The following LRRC4C variants were observed in gnomAD, a reference collection of about 807,000 sequenced individuals.
LRRC4C encodes the protein leucine-rich repeat-containing protein 4C.
LRRC4C carries 5 observed loss-of-function variants against 33.6 expected under a neutral mutation model. That is an observed-to-expected ratio of 0.15 (90% CI 0.08 to 0.31). LRRC4C has a LOEUF of 0.31. Ranked by LOEUF, LRRC4C falls within the 10% of genes least tolerant of loss-of-function variation. LRRC4C has a pLI of 1.00. For synonymous variants in LRRC4C, 329 were observed against 302.0 expected (o/e 1.09, Z -0.93); for missense variants, 560 against 796.7 (o/e 0.70, Z 3.58).
chr11:41,351,654 C>T (rs1461804643), intron 1 of LRRC4C, among the ~76,000 whole-genome samples: 1 of 152,176 alleles, frequency 6.6e-6, no homozygotes, highest in Non-Finnish European at 1.5e-5. Flanking sequence ...TTTCAGCAGA[C>T]ACTTTAAAAG....
chr11:40,336,481 G>A (rs925774576), intron 3 of LRRC4C, among the ~76,000 whole-genome samples: 1 of 152,126 alleles, frequency 6.6e-6, no homozygotes, highest in African/African-American at 2.4e-5. Context: ...ACTGTATGGA[G>A]CAGATCCCCA....
chr11:41,087,024 C>T (rs186364330), intron 1 of LRRC4C, among the ~76,000 whole-genome samples: 31 of 151,902 alleles, frequency 2.0e-4, no homozygotes, highest in African/African-American at 5.3e-4. Context: ...GTCTGCCATT[C>T]CTGCACCAGA....
chr11:40,775,126 A>T (rs932520827), intron 2 of LRRC4C, among the ~76,000 whole-genome samples: 1 of 152,042 alleles, frequency 6.6e-6, no homozygotes, highest in Non-Finnish European at 1.5e-5. Flanking sequence ...GAAAGTAAAT[A>T]TTGGCCAGGT....
chr11:40,380,798 A>T (rs1339789080), intron 3 of LRRC4C, among the ~76,000 whole-genome samples: 1 of 152,258 alleles, frequency 6.6e-6, no homozygotes, highest in Non-Finnish European at 1.5e-5. Flanking sequence ...CCATTAAAGC[A>T]TAAAATATTA....
At chr11:41,063,622 A>G (rs1279520867) in intron 1 of LRRC4C, among the ~76,000 whole-genome samples, 1 of 152,218 alleles carries the variant, frequency 6.6e-6, no homozygotes, top group Non-Finnish European at 1.5e-5. Context: ...TGAAGAGAGC[A>G]TAACATTGAT....
chr11:40,274,677 T>G (rs545510566), intron 4 of LRRC4C, among the ~76,000 whole-genome samples: 3 of 152,212 alleles, frequency 2.0e-5, no homozygotes, highest in Admixed American at 2.0e-4. Flanking sequence ...AATAGTTCTG[T>G]GAAATAGCTC....
At chr11:41,225,745 A>G (rs777161011) in intron 1 of LRRC4C, among the ~76,000 whole-genome samples, 10 of 152,202 alleles carry the variant, frequency 6.6e-5, no homozygotes, top group Non-Finnish European at 1.2e-4. Flanking sequence ...GAAACAAAAA[A>G]TTTAACAGAT....
chr11:40,997,383 T>TA (rs1358820542), intron 1 of LRRC4C, among the ~76,000 whole-genome samples: 53 of 152,176 alleles, frequency 3.5e-4, no homozygotes, highest in African/African-American at 1.3e-3. Context: ...TTTCCTGAGT[T>TA]AGAGAGTAGC....
intron 5 of LRRC4C, among the ~76,000 whole-genome samples, chr11:40,156,840 C>G (rs1319437227): frequency 6.6e-6 from 1 of 152,068 alleles, no homozygotes; most frequent in African/African-American, 2.4e-5. Flanking sequence ...AGTATACTGC[C>G]AAGAGCAATC....
Position 41,168,189 on chromosome 11 carries a change from G to A in LRRC4C, c.-495-234466C>T, listed in dbSNP as rs554473103. ...CATGAAAGGCAGACTGAAAGGGCAT[G>A]TGGATACTGAATGACCACCAGGCCA... is the stretch of plus-strand genomic sequence containing the variant. On this transcript the variant is annotated intron_variant, in intron 1 of 6. Coordinates refer to ENST00000528697, the MANE Select transcript of LRRC4C (RefSeq NM_001258419.2). Among the ~76,000 whole-genome samples, 8 of 152,298 alleles carry A rather than the reference G, an allele frequency of 5.3e-5. No homozygotes were observed. In the East Asian group the frequency reaches 5.8e-4, roughly 11 times the overall value.
chr11:41,365,705 A>G (rs1286267908), intron 1 of LRRC4C, among the ~76,000 whole-genome samples: 2 of 152,196 alleles, frequency 1.3e-5, no homozygotes, highest in Non-Finnish European at 2.9e-5. Flanking sequence ...CTAAACAATT[A>G]CATTGTCCTA....
At chr11:40,953,066 C>T (rs1311894311) in intron 1 of LRRC4C, among the ~76,000 whole-genome samples, 1 of 151,838 alleles carries the variant, frequency 6.6e-6, no homozygotes, top group African/African-American at 2.4e-5. Context: ...ATAAAGAGGT[C>T]CTCAGAAAAC....
At chr11:40,500,271 G>GATATATATATAT (rs377169790) in intron 3 of LRRC4C, among the ~76,000 whole-genome samples, 14 of 105,022 alleles carry the variant, frequency 1.3e-4, no homozygotes, top group East Asian at 5.9e-4. Flanking sequence ...CCTAATGTCT[G>GATATATATATAT]ATATATATAT....
intron 2 of LRRC4C, among the ~76,000 whole-genome samples, chr11:40,828,447 T>C (rs992006841): frequency 2.0e-5 from 3 of 151,844 alleles, no homozygotes; most frequent in South Asian, 2.1e-4. Flanking sequence ...TATTGACATA[T>C]TGTAGGAACA....
chr11:40,209,949 G>T (rs532890936), intron 5 of LRRC4C, among the ~76,000 whole-genome samples: 2 of 151,932 alleles, frequency 1.3e-5, no homozygotes, highest in African/African-American at 4.8e-5. Context: ...GGAAGGAAGG[G>T]CATGCTAGTT....
chr11:41,326,750 CA>C (rs968614351), intron 1 of LRRC4C, among the ~76,000 whole-genome samples: 73 of 152,230 alleles, frequency 4.8e-4, no homozygotes, highest in African/African-American at 1.7e-3. Context: ...AGAAGTTTCA[CA>C]AAACAGTCCT....
intron 2 of LRRC4C, among the ~76,000 whole-genome samples, chr11:40,787,102 A>G (rs903676542): frequency 6.6e-6 from 1 of 152,180 alleles, no homozygotes; most frequent in East Asian, 1.9e-4. Context: ...AGTTCTCCCC[A>G]TGTCTCAGTC....
intron 1 of LRRC4C, among the ~76,000 whole-genome samples, chr11:41,298,857 G>A (rs1950212364): frequency 1.3e-5 from 2 of 151,830 alleles, no homozygotes; most frequent in East Asian, 1.9e-4. Flanking sequence ...ATTTGTGTAC[G>A]TTATTCAGCT....
chr11:40,316,716 C>A (rs947150148), intron 4 of LRRC4C, among the ~76,000 whole-genome samples: 1 of 151,862 alleles, frequency 6.6e-6, no homozygotes, highest in South Asian at 2.1e-4. Context: ...TTATCATATG[C>A]GTGACTGTAA....
Sources: allele counts gnomAD v4.1 joint callset (sites outside exome capture counted in the v4.1 genomes callset), GRCh38; gene constraint gnomAD v4.1.1; transcripts MANE v1.5; gene names NCBI Gene and HGNC (gene_info 2026-07-23, HGNC 2026-07-21).